MATN2: variants seen among roughly 807,000 people sequenced by gnomAD.
MATN2 encodes matrilin-2.
In MATN2, 69 loss-of-function variants were observed where a neutral mutation model predicts 103.2. The ratio of observed to expected loss-of-function variants is 0.67; its 90% CI spans 0.55 to 0.82. The LOEUF is 0.82. Among genes scored for constraint, MATN2 ranks in the 40% least tolerant of loss-of-function variants. The pLI is 0.00. For synonymous variants in MATN2, 429 were observed against 450.2 expected, an observed-to-expected ratio of 0.95 and a Z score of 0.60; for missense variants, 1,023 against 1,211.5, an observed-to-expected ratio of 0.84 and a Z score of 2.31.
At chr8:97,911,502 A>C (rs1346575053) in intron 2 of MATN2, among the ~76,000 whole-genome samples, 3 of 151,872 alleles carry the variant, frequency 2.0e-5, no homozygotes, top group Non-Finnish European at 4.4e-5. Context: ...AGGTCAAGAT[A>C]TCGAGACCAT....
rs137995087 is a variant in MATN2 at position 97,918,778 on chromosome 8, A to G, written c.143-12175A>G. On this transcript the variant is annotated intron_variant, in intron 2 of 18. Coordinates refer to ENST00000254898, the MANE Select transcript of MATN2 (RefSeq NM_002380.5). ...TCACTCTTGGCCACCTACTGGGAGC[A>G]GTGGGTAAAAATGCAGGTATGAGAG... Among the ~76,000 whole-genome samples, 864 of 152,258 alleles carry G rather than the reference A, an allele frequency of 5.7e-3. 1 individual carries two copies. Among genetic ancestry groups the G allele is most frequent in the Middle Eastern group, 0.017 (5 of 294 alleles).
intron 14 of MATN2, among the ~76,000 whole-genome samples, chr8:98,029,539 A>T (rs115550058): frequency 0.011 from 1,600 of 152,346 alleles, 17 homozygotes; most frequent in African/African-American, 0.036. Context: ...AGTCTTATGT[A>T]TAGCAAACAG....
rs895513566 is a variant in MATN2 at position 98,035,424 on chromosome 8, T to C, written c.2816-233T>C. Reference sequence around the variant, plus strand: ...AAAAAGACAAATTCACACTGAGCCATCTGGCTTTGCTGATGTTAAAAAAAA... The same window carrying C: ...AAAAAGACAAATTCACACTGAGCCACCTGGCTTTGCTGATGTTAAAAAAAA... On this transcript the variant is annotated intron_variant, in intron 18 of 18. Coordinates refer to ENST00000254898, the MANE Select transcript of MATN2 (RefSeq NM_002380.5). Among the ~76,000 whole-genome samples, 4 of 151,040 alleles carry C rather than the reference T, an allele frequency of 2.6e-5. No individual in the cohort carries two copies. In the South Asian group the frequency reaches 6.3e-4, roughly 24 times the overall value.
chr8:97,888,584 G>T (rs1818524157), intron 2 of MATN2, among the ~76,000 whole-genome samples: 1 of 152,150 alleles, frequency 6.6e-6, no homozygotes, highest in African/African-American at 2.4e-5. Context: ...TGCCCAGCTA[G>T]ATCTGTTAAT....
intron 2 of MATN2, among the ~76,000 whole-genome samples, chr8:97,922,100 C>T (rs1213598733): frequency 6.6e-6 from 1 of 152,138 alleles, no homozygotes; most frequent in Non-Finnish European, 1.5e-5. Context: ...GAAACAGTCC[C>T]CCTCTTCCCC....
chr8:97,884,899 A>G (rs928337651), intron 1 of MATN2, among the ~76,000 whole-genome samples: 2 of 152,220 alleles, frequency 1.3e-5, no homozygotes, highest in Non-Finnish European at 2.9e-5. Flanking sequence ...CTATATAACA[A>G]TTAGGTCTAC....
At chr8:97,975,767 C>T (rs1420490119) in intron 5 of MATN2, among the ~76,000 whole-genome samples, 1 of 152,196 alleles carries the variant, frequency 6.6e-6, no homozygotes, top group Admixed American at 6.5e-5. Context: ...GGATTGTTGA[C>T]TGCTAACACG....
chr8:98,008,102 G>A (rs1198078396), intron 10 of MATN2, among the ~76,000 whole-genome samples: 1 of 152,174 alleles, frequency 6.6e-6, no homozygotes, highest in Non-Finnish European at 1.5e-5. Flanking sequence ...AGTCCTGGGA[G>A]AAGAGGATGC....
intron 2 of MATN2, among the ~76,000 whole-genome samples, chr8:97,897,751 C>T (rs893071715): frequency 6.6e-6 from 1 of 152,186 alleles, no homozygotes; most frequent in Admixed American, 6.5e-5. Context: ...CAGCACAGAC[C>T]TGCTGTTCCC....
At chr8:98,032,025 T>C in intron 15 of MATN2, 1 of 386,926 alleles carries the variant, frequency 2.6e-6, no homozygotes, top group Non-Finnish European at 4.6e-6. Context: ...AAGATGTACT[T>C]AGGGGGTCCA....
rs146500073 is a variant in MATN2 at position 98,002,666 on chromosome 8, G to A, written c.1205-995G>A. Among the ~76,000 whole-genome samples the A allele has an allele frequency of 3.6e-3, 550 of 152,268 alleles. 5 individuals carry two copies. The highest frequency in any genetic ancestry group is 0.012 in the African/African-American group (515 of 41,550). On this transcript the variant is annotated intron_variant, in intron 7 of 18. Coordinates refer to ENST00000254898, the MANE Select transcript of MATN2 (RefSeq NM_002380.5). ...GCTCAGCTCAACTGAGCCTTGGCTT[G>A]CTCTTTGGCCATCAAAGAGGGAAAA... is the stretch of plus-strand genomic sequence containing the variant.
At chr8:98,003,813 T>C (rs752276397) in intron 8 of MATN2, 30 bp downstream of exon 8, 11 of 1,612,042 alleles carry the variant, frequency 6.8e-6, no homozygotes, top group South Asian at 1.1e-5. Flanking sequence ...GGGGTGCTGA[T>C]GGAAGGTGGG....
intron 2 of MATN2, 26 bp downstream of exon 2, chr8:97,888,268 AGTGGGCAGGTGGGG>A: frequency 6.6e-7 from 1 of 1,505,848 alleles, no homozygotes; most frequent in African/African-American, 1.4e-5. Context: ...CACCCCCAAA[AGTGGGCAGGTGGGG>A]GTGGTTTGGG....
chr8:98,032,096 C>CT (rs1284002245), intron 15 of MATN2, 150 bp from the exon 16 acceptor site: 1 of 613,592 alleles, frequency 1.6e-6, no homozygotes, highest in African/African-American at 1.9e-5. Context: ...TAACCAACTG[C>CT]TTTTTTGAAT....
rs115010699 is a variant in MATN2 at position 97,873,621 on chromosome 8, T to C, written c.-27+4334T>C. On this transcript the variant is annotated intron_variant, in intron 1 of 18. Transcript: ENST00000254898. ...CTGAGTTTACAGGTGTGAGCCACCA[T>C]GCTTGGCTGTTTTCACATGTCTTAA... Among the ~76,000 whole-genome samples the C allele has an allele frequency of 6.6e-3, 998 of 152,222 alleles. 11 individuals carry two copies. Among genetic ancestry groups the C allele is most frequent in the African/African-American group, 0.023 (963 of 41,536 alleles).
intron 4 of MATN2, among the ~76,000 whole-genome samples, chr8:97,942,944 G>GT (rs1810617992): frequency 6.6e-6 from 1 of 152,042 alleles, no homozygotes; most frequent in African/African-American, 2.4e-5. Context: ...CCGCTTCTGT[G>GT]TGGCCTGTGG....
At chr8:97,927,050 G>A (rs2513839) in intron 2 of MATN2, among the ~76,000 whole-genome samples, 101,463 of 152,058 alleles carry the variant, frequency 0.67, 34,458 homozygotes, top group East Asian at 0.93. Context: ...TCACCAGGGA[G>A]CTTGTTAGAA....
intron 2 of MATN2, among the ~76,000 whole-genome samples, chr8:97,897,327 A>G (rs576873100): frequency 6.6e-6 from 1 of 152,382 alleles, no homozygotes; most frequent in African/African-American, 2.4e-5. Flanking sequence ...CAAGATGAGT[A>G]ACATCTGCAG....
chr8:97,980,864 C>T lies in MATN2; in HGVS notation c.1081+1856C>T, dbSNP rs530745194. Reference sequence around the variant, plus strand: ...GAATACAGGCATGAGCCACAGCACCCGGCCATAGCATAATCTTGAATACTA... The same window carrying T: ...GAATACAGGCATGAGCCACAGCACCTGGCCATAGCATAATCTTGAATACTA... On this transcript the variant is annotated intron_variant, in intron 6 of 18. Transcript: ENST00000254898. 6.6e-5 allele frequency among the ~76,000 whole-genome samples: 10 copies of T among 151,684 alleles called. No individual in the cohort carries two copies. In the South Asian group the frequency reaches 8.3e-4, roughly 13 times the overall value.
Sources: allele counts gnomAD v4.1 joint callset (sites outside exome capture counted in the v4.1 genomes callset), GRCh38; gene constraint gnomAD v4.1.1; transcripts MANE v1.5; gene names NCBI Gene and HGNC (gene_info 2026-07-23, HGNC 2026-07-21).